Variants in CNTN5 observed in about 807,000 individuals in gnomAD.
CNTN5 encodes contactin-5.
Under a neutral mutation model 129.1 loss-of-function variants are expected in CNTN5, and 77 were observed. That is an observed-to-expected ratio of 0.60 (90% CI 0.50 to 0.72). The LOEUF is 0.72. Among genes scored for constraint, CNTN5 ranks in the 30% least tolerant of loss-of-function variants. The pLI, the probability that CNTN5 is intolerant of heterozygous loss-of-function variation, is 0.00. For synonymous variants in CNTN5, 509 were observed against 465.6 expected (o/e 1.09, Z -1.20); for missense variants, 1,478 against 1,328.8 (o/e 1.11, Z -1.75).
At position 99,082,975 on chromosome 11, in the gene CNTN5, T is replaced by C. The variant is rs540415440; in HGVS notation, c.-210+61705T>C. 7.7e-4 allele frequency among the ~76,000 whole-genome samples: 118 copies of C among 152,262 alleles called. No homozygotes were observed. In the Middle Eastern group the frequency reaches 0.01, roughly 13 times the overall value. ...ATTTTAGGATTATGGTAATTATGTT[T>C]CTTTCTACATTCCCCCTTCTTATTG... is the stretch of plus-strand genomic sequence containing the variant. On this transcript the variant is annotated intron_variant, in intron 1 of 24. Transcript: ENST00000524871.
chr11:99,272,345 A>G (rs1192164835), intron 1 of CNTN5, among the ~76,000 whole-genome samples: 1 of 151,634 alleles, frequency 6.6e-6, no homozygotes, highest in Admixed American at 6.6e-5. Flanking sequence ...TGGTCAACAT[A>G]GAGTTTTGCT....
intron 4 of CNTN5, among the ~76,000 whole-genome samples, chr11:99,836,733 G>T (rs979169768): frequency 3.9e-5 from 6 of 152,104 alleles, no homozygotes; most frequent in Non-Finnish European, 8.8e-5. Flanking sequence ...CTTCCACAAT[G>T]GTTGAACTAG....
At chr11:99,241,789 G>C (rs553236178) in intron 1 of CNTN5, among the ~76,000 whole-genome samples, 4 of 152,096 alleles carry the variant, frequency 2.6e-5, no homozygotes, top group African/African-American at 7.2e-5. Context: ...CTCCAAGAAA[G>C]TCTGTAGTAA....
intron 3 of CNTN5, among the ~76,000 whole-genome samples, chr11:99,625,941 CA>C (rs1230392525): frequency 6.6e-6 from 1 of 150,466 alleles, no homozygotes; most frequent in African/African-American, 2.4e-5. Context: ...CACACACACA[CA>C]CATAAATCTA....
chr11:99,808,512 C>G (rs1946337281), intron 3 of CNTN5, among the ~76,000 whole-genome samples: 2 of 152,084 alleles, frequency 1.3e-5, no homozygotes. Context: ...CACAGTTTCC[C>G]ATTTACTCCT....
At chr11:99,581,609 T>A (rs1949596085) in intron 3 of CNTN5, among the ~76,000 whole-genome samples, 1 of 152,170 alleles carries the variant, frequency 6.6e-6, no homozygotes, top group Non-Finnish European at 1.5e-5. Flanking sequence ...TCTCTTTTGA[T>A]CTTTGTTGGT....
chr11:100,086,899 T>C (rs1208043123), intron 13 of CNTN5, among the ~76,000 whole-genome samples: 2 of 151,576 alleles, frequency 1.3e-5, no homozygotes, highest in Non-Finnish European at 3.0e-5. Flanking sequence ...AATTTATCGC[T>C]CTATGTATTT....
chr11:99,888,723 A>C (rs1459110735), intron 6 of CNTN5, among the ~76,000 whole-genome samples: 1 of 152,214 alleles, frequency 6.6e-6, no homozygotes, highest in East Asian at 1.9e-4. Context: ...AGAGATAAAG[A>C]AAGGAAATAT....
At chr11:99,400,982 C>G (rs1941776873) in intron 2 of CNTN5, among the ~76,000 whole-genome samples, 1 of 151,808 alleles carries the variant, frequency 6.6e-6, no homozygotes, top group Admixed American at 6.6e-5. Flanking sequence ...AGTTATTAAT[C>G]CTTTGTCAGA....
At chr11:99,367,881 G>T (rs1175757079) in intron 2 of CNTN5, among the ~76,000 whole-genome samples, 5 of 152,098 alleles carry the variant, frequency 3.3e-5, no homozygotes, top group African/African-American at 1.2e-4. Context: ...GTTTCAAAGA[G>T]TTCATTGCCA....
At chr11:99,681,703 T>C (rs1240703337) in intron 3 of CNTN5, among the ~76,000 whole-genome samples, 2 of 152,070 alleles carry the variant, frequency 1.3e-5, no homozygotes, top group Non-Finnish European at 2.9e-5. Flanking sequence ...AAACCCACAA[T>C]AATTCCCAGG....
chr11:99,678,156 A>G (rs776122797), intron 3 of CNTN5, among the ~76,000 whole-genome samples: 1 of 152,110 alleles, frequency 6.6e-6, no homozygotes, highest in Non-Finnish European at 1.5e-5. Flanking sequence ...ACACACACAC[A>G]TTATAAAAGT....
chr11:99,924,282 A>G (rs1268546799), intron 7 of CNTN5, among the ~76,000 whole-genome samples: 1 of 151,668 alleles, frequency 6.6e-6, no homozygotes, highest in Non-Finnish European at 1.5e-5. Context: ...GTTTTGTTGC[A>G]TTTGCTTTTG....
At chr11:99,962,594 T>G (rs10791068) in intron 8 of CNTN5, among the ~76,000 whole-genome samples, 49,506 of 150,120 alleles carry the variant, frequency 0.33, 8,836 homozygotes, top group East Asian at 0.66. Context: ...TCTTTGCTAT[T>G]GTGAATAATG....
chr11:99,885,683 A>C (rs1317732131), intron 6 of CNTN5, among the ~76,000 whole-genome samples: 2 of 152,176 alleles, frequency 1.3e-5, no homozygotes, highest in Non-Finnish European at 2.9e-5. Context: ...ACATAATAAT[A>C]ACATTTTTGT....
intron 3 of CNTN5, among the ~76,000 whole-genome samples, chr11:99,705,633 G>C (rs1395178123): frequency 6.6e-6 from 1 of 151,384 alleles, no homozygotes; most frequent in Non-Finnish European, 1.5e-5. Flanking sequence ...TTACCAAAAA[G>C]AAATGCAGTT....
At chr11:99,508,087 G>A (rs1946692687) in intron 2 of CNTN5, among the ~76,000 whole-genome samples, 1 of 152,182 alleles carries the variant, frequency 6.6e-6, no homozygotes, top group South Asian at 2.1e-4. Context: ...CATGTCTTCA[G>A]TGTTAGGACA....
chr11:100,164,779 T>G (rs1394706111), intron 13 of CNTN5, among the ~76,000 whole-genome samples: 1 of 151,826 alleles, frequency 6.6e-6, no homozygotes, highest in Non-Finnish European at 1.5e-5. Flanking sequence ...GGTGAGAGTA[T>G]GGAAATTAGC....
chr11:99,883,024 C>A (rs1303249029), intron 6 of CNTN5, among the ~76,000 whole-genome samples: 6 of 152,164 alleles, frequency 3.9e-5, no homozygotes, highest in Admixed American at 6.5e-5. Flanking sequence ...CTAGTTCCAT[C>A]CATGTTGTTG....
Sources: gnomAD v4.1 joint callset for allele counts (sites outside exome capture counted in the v4.1 genomes callset) on GRCh38, gnomAD v4.1.1 for gene constraint, MANE v1.5 for transcripts, NCBI Gene and HGNC (gene_info 2026-07-23, HGNC 2026-07-21) for gene names.